Variants in RPH3AL observed in about 807,000 individuals in gnomAD.
RPH3AL encodes rab effector Noc2.
In RPH3AL, 38 loss-of-function variants were observed where a neutral mutation model predicts 43.1. The observed-to-expected ratio is 0.88, with a 90% CI of 0.68 to 1.15. RPH3AL has a LOEUF of 1.15. Among genes scored for constraint, RPH3AL ranks in the 50% most tolerant of loss-of-function variants. The probability of loss-of-function intolerance (pLI) is 0.00; values close to 1 mark genes in which losing one functional copy is unlikely to be tolerated. For synonymous variants in RPH3AL, 189 were observed against 176.3 expected, an observed-to-expected ratio of 1.07 and a Z score of -0.57; for missense variants, 462 against 423.2, an observed-to-expected ratio of 1.09 and a Z score of -0.81.
At position 215,799 on chromosome 17, in the gene RPH3AL, C is replaced by T; in HGVS notation, c.731G>A (p.Gly244Asp). ...KGDKPWKESG[G>D]SVEAPRMGFT... Reference sequence around the variant, plus strand: ...CCCCATCCTGGGGGCCTCCACGCTGCCACCTGTGGGAAATCACGTGTGGGC... The same window carrying T: ...CCCCATCCTGGGGGCCTCCACGCTGTCACCTGTGGGAAATCACGTGTGGGC... The change falls in exon 9 of 10, where the codon GGC becomes GAC. Residue 244 changes from glycine (G) to aspartate (D), a missense_variant. Transcript: ENST00000331302. This position sits in a 1 kb window ranked among gnomAD's most constrained non-coding sequence, Gnocchi z 4.1. 7.7e-7 allele frequency: 1 copy of T among 1,298,842 alleles called. No homozygotes were observed. Among genetic ancestry groups the T allele is most frequent in the Non-Finnish European group, 9.8e-7 (1 of 1,019,930 alleles). The allele number at this position is 1,298,842 out of a possible 1,614,324, so 80.5% of individuals were successfully genotyped here.
intron 6 of RPH3AL, among the ~76,000 whole-genome samples, chr17:260,638 G>A (rs2042175712): frequency 6.6e-6 from 1 of 152,100 alleles, no homozygotes; most frequent in African/African-American, 2.4e-5. Context: ...TACTTTAAAG[G>A]TCTCTTCAAG....
At chr17:237,447 G>A (rs769544826) in intron 7 of RPH3AL, among the ~76,000 whole-genome samples, 62 of 152,308 alleles carry the variant, frequency 4.1e-4, no homozygotes, top group Non-Finnish European at 6.5e-4. Context: ...AAGGATGGAC[G>A]GTGGAAGGCG....
chr17:317,003 C>T (rs111972103), intron 5 of RPH3AL, among the ~76,000 whole-genome samples: 5 of 147,362 alleles, frequency 3.4e-5, no homozygotes, highest in African/African-American at 1.3e-4. Flanking sequence ...ACCCCACCTC[C>T]ATTGACCTGT....
Position 315,690 on chromosome 17 carries a change from C to A in RPH3AL, c.351+3730G>T, listed in dbSNP as rs879204383. On this transcript the variant is annotated intron_variant, in intron 5 of 9. Coordinates refer to ENST00000331302, the MANE Select transcript of RPH3AL (RefSeq NM_006987.4). ...CTGACCTGTAGTCCCTGTGACCCCA[C>A]CTCCATTGACCTGTAGTCCTTGTGC... is the stretch of plus-strand genomic sequence containing the variant. Among the ~76,000 whole-genome samples, 4 of 152,350 alleles carry A rather than the reference C, an allele frequency of 2.6e-5. No individual in the cohort carries two copies. The East Asian group carries it at 5.8e-4, about 22-fold the overall frequency.
intron 7 of RPH3AL, among the ~76,000 whole-genome samples, chr17:223,355 T>C (rs1426682773): frequency 2.0e-5 from 3 of 152,208 alleles, no homozygotes; most frequent in Non-Finnish European, 4.4e-5. Flanking sequence ...ACAGCTCTCA[T>C]AGGCGAGAAA....
intron 8 of RPH3AL, 116 bp downstream of exon 8, chr17:219,502 GTTTCA>G (rs1276219640): frequency 4.1e-4 from 162 of 392,792 alleles, no homozygotes; most frequent in African/African-American, 3.5e-3. Flanking sequence ...CGGCCTAATA[GTTTCA>G]TTTCTTTTCT....
intron 5 of RPH3AL, among the ~76,000 whole-genome samples, chr17:306,194 C>A (rs1012626033): frequency 2.8e-4 from 43 of 151,986 alleles, no homozygotes; most frequent in Non-Finnish European, 7.4e-5. Flanking sequence ...AGCCTGGGAT[C>A]CAGCCTGGAC....
intron 6 of RPH3AL, among the ~76,000 whole-genome samples, chr17:280,578 C>T (rs66839042): frequency 0.068 from 10,292 of 152,190 alleles, 387 homozygotes; most frequent in Non-Finnish European, 0.077. Flanking sequence ...CAGAGAGAAA[C>T]GGACTATTAT....
At chr17:252,157 T>C (rs1555542788) in intron 6 of RPH3AL, among the ~76,000 whole-genome samples, 1 of 151,934 alleles carries the variant, frequency 6.6e-6, no homozygotes, top group East Asian at 1.9e-4. Flanking sequence ...GTATTTTTTG[T>C]AGAGATGGGG....
At chr17:297,051 T>A (rs1212112625) in intron 5 of RPH3AL, among the ~76,000 whole-genome samples, 1 of 151,836 alleles carries the variant, frequency 6.6e-6, no homozygotes, top group Non-Finnish European at 1.5e-5. Context: ...CTGCGGAGAG[T>A]TCCATCAGGA....
At position 289,280 on chromosome 17, in the gene RPH3AL, G is replaced by A. The variant is rs1037198944; in HGVS notation, c.352-7426C>T. ...GGCAACCTCAGACCTTTATAGCCAT[G>A]CCTGTCTCAGTGAAGGCAGCCAGCA... On this transcript the variant is annotated intron_variant, in intron 5 of 9. Transcript: ENST00000331302. This position sits in a 1 kb window ranked among gnomAD's most constrained non-coding sequence, Gnocchi z 5.2. 6.6e-6 allele frequency among the ~76,000 whole-genome samples: 1 copy of A among 152,124 alleles called. No individual in the cohort carries two copies. Among genetic ancestry groups the A allele is most frequent in the African/African-American group, 2.4e-5 (1 of 41,430 alleles).
chr17:307,928 T>C (rs574253370), intron 5 of RPH3AL, among the ~76,000 whole-genome samples: 11 of 152,306 alleles, frequency 7.2e-5, no homozygotes, highest in South Asian at 4.1e-4. Context: ...TGCCGTGCGG[T>C]GTCTGGTCCA....
chr17:347,619 T>C (rs980570052), intron 1 of RPH3AL, among the ~76,000 whole-genome samples: 4 of 152,046 alleles, frequency 2.6e-5, no homozygotes, highest in Admixed American at 1.3e-4. Flanking sequence ...GGAAGGTAGT[T>C]TGTTACAAAG....
rs569731819 is a variant in RPH3AL, at chr17:215,794, C to A, written c.736G>T (p.Val246Leu). The A allele has an allele frequency of 1.1e-5, 14 of 1,299,894 alleles. No individual in the cohort carries two copies. Among genetic ancestry groups the A allele is most frequent in the South Asian group, 2.8e-5 (1 of 36,232 alleles). The allele number at this position is 1,299,894 out of a possible 1,614,324, so 80.5% of individuals were successfully genotyped here. A position where few individuals can be genotyped will look rare whatever the true frequency, so the allele number is the denominator to read the frequency against. The stretch of plus-strand genomic sequence containing the variant: ...GTGAACCCCATCCTGGGGGCCTCCA[C>A]GCTGCCACCTGTGGGAAATCACGTG... ...DKPWKESGGS[V>L]EAPRMGFTHP... Residue 246 changes from valine to leucine, a missense_variant, in exon 9 of 10, where the codon GTG (valine) becomes TTG (leucine). Val to Leu is a conservative substitution (Grantham distance 32). Transcript: ENST00000331302. The surrounding 1 kb of genome is among the most constrained non-coding windows in gnomAD (Gnocchi z 4.1).
intron 1 of RPH3AL, among the ~76,000 whole-genome samples, chr17:341,885 A>C (rs1191600338): frequency 6.6e-6 from 1 of 152,164 alleles, no homozygotes; most frequent in Non-Finnish European, 1.5e-5. Flanking sequence ...ATAATTTACA[A>C]CTTTGTCCAT....
rs1157951613 is a variant in RPH3AL at position 323,960 on chromosome 17, C to A, written c.78-2545G>T. Reference sequence around the variant, plus strand: ...AGTCACCCCGAGAGGCAGGCCTGGACCCTCACAGTCATCCCACAAGGCAGG... The same window carrying A: ...AGTCACCCCGAGAGGCAGGCCTGGAACCTCACAGTCATCCCACAAGGCAGG... On this transcript the variant is annotated intron_variant, in intron 3 of 9. Coordinates refer to ENST00000331302, the MANE Select transcript of RPH3AL (RefSeq NM_006987.4). This position sits in a 1 kb window ranked among gnomAD's most constrained non-coding sequence, Gnocchi z 4.4. 6.6e-6 allele frequency among the ~76,000 whole-genome samples: 1 copy of A among 151,528 alleles called. No individual in the cohort carries two copies. Among genetic ancestry groups the A allele is most frequent in the African/African-American group, 2.4e-5 (1 of 41,200 alleles).
chr17:219,839 G>C (rs2040913535), intron 7 of RPH3AL, 103 bp from the exon 8 acceptor site: 1 of 816,002 alleles, frequency 1.2e-6, no homozygotes, highest in African/African-American at 1.7e-5. Flanking sequence ...TTACCACGTG[G>C]CGTAGCAGCT....
rs776172074 is a variant in RPH3AL, at chr17:215,009, C to T, written c.876+645G>A. Reference sequence around the variant, plus strand: ...TGGGGAAGGAGAGAGGTGCGGCAGGCGTTCCTGTGGGTGGCTGCCGGGTGC... The same window carrying T: ...TGGGGAAGGAGAGAGGTGCGGCAGGTGTTCCTGTGGGTGGCTGCCGGGTGC... On this transcript the variant is annotated intron_variant, in intron 9 of 9. Coordinates refer to ENST00000331302, the MANE Select transcript of RPH3AL (RefSeq NM_006987.4). The surrounding 1 kb of genome is among the most constrained non-coding windows in gnomAD (Gnocchi z 4.1). Among the ~76,000 whole-genome samples the T allele has an allele frequency of 1.3e-5, 2 of 152,138 alleles. No individual in the cohort carries two copies. The highest frequency in any genetic ancestry group is 1.9e-4 in the East Asian group (1 of 5,184).
At chr17:294,566 G>A (rs1467950861) in intron 5 of RPH3AL, among the ~76,000 whole-genome samples, 1 of 147,396 alleles carries the variant, frequency 6.8e-6, no homozygotes, top group Non-Finnish European at 1.5e-5. Flanking sequence ...GGGAGGGACA[G>A]AGGAGCTGCA....
Sources: allele counts gnomAD v4.1 joint callset (sites outside exome capture counted in the v4.1 genomes callset), GRCh38; gene constraint gnomAD v4.1.1; non-coding constraint Gnocchi (gnomAD v3.1); transcripts MANE v1.5; gene names NCBI Gene and HGNC (gene_info 2026-07-23, HGNC 2026-07-21).